The following DNAH11 variants were observed in gnomAD, a reference collection of about 807,000 sequenced individuals.
DNAH11 encodes axonemal beta dynein heavy chain 11.
Under a neutral mutation model 526.0 loss-of-function variants are expected in DNAH11, and 442 were observed. That is an observed-to-expected ratio of 0.84 (90% CI 0.78 to 0.91). DNAH11 has a LOEUF of 0.91. Ranked by LOEUF, DNAH11 falls within the 40% of genes least tolerant of loss-of-function variation. The pLI, the probability that DNAH11 is intolerant of heterozygous loss-of-function variation, is 0.00. For synonymous variants in DNAH11, 2,461 were observed against 1,935.9 expected, an observed-to-expected ratio of 1.27 and a Z score of -7.12; for missense variants, 6,989 against 5,448.7, an observed-to-expected ratio of 1.28 and a Z score of -8.90.
chr7:21,661,384 C>T (rs980245410), intron 30 of DNAH11, among the ~76,000 whole-genome samples: 1 of 151,842 alleles, frequency 6.6e-6, no homozygotes, highest in African/African-American at 2.4e-5. Context: ...TTTCTGGTCC[C>T]TTGTCTTTAT....
intron 14 of DNAH11, among the ~76,000 whole-genome samples, chr7:21,595,457 A>G (rs1352676880): frequency 1.2e-4 from 18 of 152,206 alleles, no homozygotes; most frequent in Admixed American, 1.2e-3. Context: ...TTCTGGATAT[A>G]TTTTGAATTA....
chr7:21,617,102 A>G (rs554113054), intron 22 of DNAH11, among the ~76,000 whole-genome samples: 2 of 152,216 alleles, frequency 1.3e-5, no homozygotes, highest in African/African-American at 4.8e-5. Flanking sequence ...TTTCTCATTC[A>G]CAATTGCTGA....
chr7:21,836,111 A>G (rs182771908), intron 65 of DNAH11, among the ~76,000 whole-genome samples: 20 of 152,282 alleles, frequency 1.3e-4, no homozygotes, highest in Admixed American at 1.3e-3. Context: ...GGACACAGAC[A>G]AATGGAAAGA....
intron 47 of DNAH11, 126 bp downstream of exon 47, chr7:21,738,992 C>A: frequency 2.2e-6 from 2 of 915,844 alleles, no homozygotes; most frequent in Non-Finnish European, 3.1e-6. Context: ...AATTCAAGTG[C>A]AATTATCCCC....
intron 54 of DNAH11, among the ~76,000 whole-genome samples, chr7:21,761,597 A>G (rs919818833): frequency 6.6e-6 from 1 of 152,166 alleles, no homozygotes; most frequent in Middle Eastern, 3.4e-3. Flanking sequence ...GCTGAGTCCC[A>G]CCTCCAGAGT....
At chr7:21,608,184 A>G (rs1785380472) in intron 20 of DNAH11, among the ~76,000 whole-genome samples, 1 of 152,132 alleles carries the variant, frequency 6.6e-6, no homozygotes, top group Non-Finnish European at 1.5e-5. Flanking sequence ...ATTCAATCCT[A>G]GTTTATAATG....
At chr7:21,849,893 C>T (rs964908660) in intron 66 of DNAH11, among the ~76,000 whole-genome samples, 1 of 151,688 alleles carries the variant, frequency 6.6e-6, no homozygotes, top group Admixed American at 6.6e-5. Context: ...CCATTATTTC[C>T]AATCTTTCTT....
intron 62 of DNAH11, 108 bp from the exon 63 acceptor site, chr7:21,807,775 T>C: frequency 2.0e-6 from 2 of 1,011,868 alleles, no homozygotes; most frequent in East Asian, 2.7e-5. Context: ...TTCCTTATAG[T>C]GACTGTGTGG....
At chr7:21,650,328 GT>G (rs1166325162) in intron 28 of DNAH11, among the ~76,000 whole-genome samples, 6 of 152,086 alleles carry the variant, frequency 3.9e-5, no homozygotes, top group Admixed American at 3.3e-4. Flanking sequence ...ATTATTGAAC[GT>G]TTGACAAATA....
intron 66 of DNAH11, among the ~76,000 whole-genome samples, chr7:21,846,420 T>A (rs80297400): frequency 0.039 from 5,896 of 151,798 alleles, 150 homozygotes; most frequent in South Asian, 0.13. Flanking sequence ...TTGCCGAGAG[T>A]TTTTTTATCA....
At chr7:21,673,990 A>C (rs1583582273) in intron 30 of DNAH11, among the ~76,000 whole-genome samples, 1 of 150,622 alleles carries the variant, frequency 6.6e-6, no homozygotes, top group East Asian at 2.0e-4. Flanking sequence ...CCTGCTCCTT[A>C]AATATTCCTG....
chr7:21,733,988 A>G (rs1264236361), intron 45 of DNAH11, among the ~76,000 whole-genome samples: 2 of 152,180 alleles, frequency 1.3e-5, no homozygotes, highest in African/African-American at 2.4e-5. Flanking sequence ...AAAACTGGGA[A>G]ATCCTGAGCA....
chr7:21,626,191 CAT>C (rs1786324359), intron 25 of DNAH11, among the ~76,000 whole-genome samples: 1 of 152,142 alleles, frequency 6.6e-6, no homozygotes, highest in South Asian at 2.1e-4. Context: ...AAAATTCCCA[CAT>C]GTGAATGGGA....
At chr7:21,812,663 G>T (rs1394025019) in intron 63 of DNAH11, among the ~76,000 whole-genome samples, 1 of 151,936 alleles carries the variant, frequency 6.6e-6, no homozygotes, top group Non-Finnish European at 1.5e-5. Flanking sequence ...CAAAAAGAAA[G>T]AAAAGAGAGA....
chr7:21,818,440 A>G, intron 65 of DNAH11, 101 bp downstream of exon 65: 1 of 1,360,798 alleles, frequency 7.3e-7, no homozygotes. Flanking sequence ...AATCTTAGTG[A>G]TATTTCTGAG....
At chr7:21,611,708 G>C (rs1480420815) in intron 20 of DNAH11, among the ~76,000 whole-genome samples, 1 of 152,192 alleles carries the variant, frequency 6.6e-6, no homozygotes, top group Non-Finnish European at 1.5e-5. Flanking sequence ...ATTAGGCTAA[G>C]AGCATACTTC....
intron 68 of DNAH11, among the ~76,000 whole-genome samples, chr7:21,860,525 C>T (rs1783020380): frequency 6.6e-6 from 1 of 152,086 alleles, no homozygotes. Flanking sequence ...TTACAATAGC[C>T]AAAAGGTGGA....
At chr7:21,652,358 T>C (rs980630848) in intron 28 of DNAH11, among the ~76,000 whole-genome samples, 7 of 152,288 alleles carry the variant, frequency 4.6e-5, no homozygotes, top group African/African-American at 1.7e-4. Flanking sequence ...GCTTGAAAGG[T>C]AAAATGTTGA....
chr7:21,818,391 A>G, intron 65 of DNAH11, 52 bp downstream of exon 65: 3 of 1,570,442 alleles, frequency 1.9e-6, no homozygotes, highest in Non-Finnish European at 2.6e-6. Flanking sequence ...GATTTTCAGC[A>G]GCAGCATCTC....
Sources: allele counts gnomAD v4.1 joint callset (sites outside exome capture counted in the v4.1 genomes callset), GRCh38; gene constraint gnomAD v4.1.1; transcripts MANE v1.5; gene names NCBI Gene and HGNC (gene_info 2026-07-23, HGNC 2026-07-21).